JMJD1C: variants seen among roughly 807,000 people sequenced by gnomAD.
JMJD1C encodes jumonji domain containing 1C.
A neutral mutation model predicts 245.3 loss-of-function variants in JMJD1C; 31 were observed. The ratio of observed to expected loss-of-function variants is 0.13; its 90% CI spans 0.09 to 0.17. JMJD1C has a LOEUF of 0.17. Ranked by LOEUF, JMJD1C falls within the 10% of genes least tolerant of loss-of-function variation. The pLI, the probability that JMJD1C is intolerant of heterozygous loss-of-function variation, is 1.00. For synonymous variants in JMJD1C, 1,057 were observed against 1,017.4 expected (o/e 1.04, Z -0.74); for missense variants, 2,691 against 3,000.2 (o/e 0.90, Z 2.41).
At chr10:63,321,458 T>C (rs948522879) in intron 2 of JMJD1C, among the ~76,000 whole-genome samples, 3 of 152,014 alleles carry the variant, frequency 2.0e-5, no homozygotes, top group African/African-American at 7.3e-5. Flanking sequence ...CGTGAAAAAA[T>C]AATTCAGTTG....
intron 2 of JMJD1C, among the ~76,000 whole-genome samples, chr10:63,371,128 G>A (rs897973292): frequency 2.7e-5 from 4 of 149,240 alleles, no homozygotes; most frequent in East Asian, 1.9e-4. Flanking sequence ...CAAGGCTTGC[G>A]CCACTACAAT....
intron 1 of JMJD1C, among the ~76,000 whole-genome samples, chr10:63,408,186 G>C (rs746771302): frequency 6.6e-6 from 1 of 151,994 alleles, no homozygotes; most frequent in African/African-American, 2.4e-5. Context: ...GGTGGATCAC[G>C]AGGTCAGGAG....
chr10:63,295,803 T>C (rs1476602799), intron 2 of JMJD1C, among the ~76,000 whole-genome samples: 1 of 151,802 alleles, frequency 6.6e-6, no homozygotes, highest in East Asian at 1.9e-4. Context: ...TAGGCTCCAA[T>C]GAGCCCCTTG....
At position 63,486,137 on chromosome 10, in the gene JMJD1C, T is replaced by TAAA. The variant is rs1166721473; in HGVS notation, n.113+35598_113+35600dup. Among the ~76,000 whole-genome samples the TAAA allele has an allele frequency of 1.8e-3, 133 of 73,264 alleles. 4 individuals carry two copies. Among genetic ancestry groups the TAAA allele is most frequent in the African/African-American group, 9.0e-3 (111 of 12,300 alleles). The allele number at this position is 73,264 out of a possible 152,430, so 48.1% of individuals were successfully genotyped here. On this transcript the variant is annotated intron_variant and non_coding_transcript_variant, in intron 1 of 3. Transcript: ENST00000633035. ...GAAAGTAAAGGGCTTCAAGCAATTG[T>TAAA]AAAAAAAAAAAAAAAAAAAAAAAAA...
chr10:63,217,061 T>G, intron 5 of JMJD1C, 146 bp downstream of exon 5: 1 of 652,422 alleles, frequency 1.5e-6, no homozygotes, highest in South Asian at 2.3e-5. Context: ...CTATGTAATA[T>G]CAGATACATT....
chr10:63,275,131 G>C (rs1745201814), intron 2 of JMJD1C, among the ~76,000 whole-genome samples: 1 of 152,142 alleles, frequency 6.6e-6, no homozygotes, highest in African/African-American at 2.4e-5. Flanking sequence ...GGACACTCGA[G>C]TCTAAGTGAC....
chr10:63,253,001 G>C (rs1422857778), intron 3 of JMJD1C, among the ~76,000 whole-genome samples: 1 of 152,162 alleles, frequency 6.6e-6, no homozygotes, highest in African/African-American at 2.4e-5. Flanking sequence ...TACAAGGGAG[G>C]TCTTATGCCT....
At chr10:63,355,120 A>C (rs924974775) in intron 2 of JMJD1C, among the ~76,000 whole-genome samples, 2 of 152,156 alleles carry the variant, frequency 1.3e-5, no homozygotes, top group African/African-American at 4.8e-5. Context: ...GTGATTCTCT[A>C]ATCTCTCTCA....
At chr10:63,225,240 T>G (rs1564639994) in intron 3 of JMJD1C, among the ~76,000 whole-genome samples, 1 of 152,112 alleles carries the variant, frequency 6.6e-6, no homozygotes, top group Non-Finnish European at 1.5e-5. Context: ...GAACCTCTCC[T>G]CCTATGTAAA....
At chr10:63,466,816 C>G (rs1416783493), upstream of JMJD1C, among the ~76,000 whole-genome samples, 1 of 152,154 alleles carries the variant, frequency 6.6e-6, no homozygotes, top group East Asian at 1.9e-4. Flanking sequence ...CAATTACAAT[C>G]GGACTCCCTA....
chr10:63,226,011 C>G (rs1849234260), intron 3 of JMJD1C, among the ~76,000 whole-genome samples: 1 of 139,968 alleles, frequency 7.1e-6, no homozygotes, highest in South Asian at 2.5e-4. Flanking sequence ...CACATACACT[C>G]TCTCTCATTA....
intron 1 of JMJD1C, among the ~76,000 whole-genome samples, chr10:63,460,822 C>A (rs2133086101): frequency 6.6e-6 from 1 of 151,976 alleles, no homozygotes; most frequent in East Asian, 1.9e-4. Flanking sequence ...CAATAATATC[C>A]CTATACAAAG....
intron 3 of JMJD1C, among the ~76,000 whole-genome samples, chr10:63,234,034 A>G (rs191376662): frequency 6.6e-6 from 1 of 152,318 alleles, no homozygotes; most frequent in Admixed American, 6.5e-5. Context: ...ACAGTTAAAT[A>G]TGATAAGCAT....
At chr10:63,244,224 T>G (rs1381172275) in intron 3 of JMJD1C, among the ~76,000 whole-genome samples, 1 of 152,114 alleles carries the variant, frequency 6.6e-6, no homozygotes, top group African/African-American at 2.4e-5. Flanking sequence ...GTTCCACAGG[T>G]ACCCGAGGCA....
intron 1 of JMJD1C, among the ~76,000 whole-genome samples, chr10:63,459,200 T>C (rs1952619988): frequency 6.6e-6 from 1 of 152,240 alleles, no homozygotes; most frequent in African/African-American, 2.4e-5. Context: ...ACTCAATTCC[T>C]ATTAAGCTCT....
rs572047571 is a variant in JMJD1C at position 63,348,402 on chromosome 10, CA to C, written c.333+31915del. Among the ~76,000 whole-genome samples the C allele has an allele frequency of 2.2e-3, 341 of 152,264 alleles. 5 individuals carry two copies. The highest frequency in any genetic ancestry group is 0.021 in the Admixed American group (322 of 15,284). ...GGCTCTCAGTTTACACCATGACTAA[CA>C]AGAAAGCTTTACATAATCCAGAGAT... On this transcript the variant is annotated intron_variant, in intron 2 of 25. Coordinates refer to ENST00000399262, the MANE Select transcript of JMJD1C (RefSeq NM_032776.3).
intron 3 of JMJD1C, among the ~76,000 whole-genome samples, chr10:63,248,113 G>A (rs574808485): frequency 6.8e-4 from 102 of 150,054 alleles, no homozygotes; most frequent in African/African-American, 2.3e-3. Flanking sequence ...CTGTATCCCA[G>A]CCACTCAGGA....
At chr10:63,498,557 G>A (rs894815408) in intron 1 of JMJD1C, among the ~76,000 whole-genome samples, 9 of 152,004 alleles carry the variant, frequency 5.9e-5, no homozygotes, top group African/African-American at 1.9e-4. Flanking sequence ...TATATAGCAA[G>A]GCCCTCAGGA....
chr10:63,209,933 T>C (rs1847124402), intron 8 of JMJD1C, among the ~76,000 whole-genome samples: 1 of 152,348 alleles, frequency 6.6e-6, no homozygotes, highest in African/African-American at 2.4e-5. Flanking sequence ...TCTGACTCAC[T>C]GACATCCTTC....
Sources: allele counts gnomAD v4.1 joint callset (sites outside exome capture counted in the v4.1 genomes callset), GRCh38; gene constraint gnomAD v4.1.1; transcripts MANE v1.5; gene names NCBI Gene and HGNC (gene_info 2026-07-23, HGNC 2026-07-21).